Variants in SLC25A4 observed in about 807,000 individuals in gnomAD.
The protein encoded by SLC25A4 is solute carrier family 25 member 4.
In SLC25A4, 10 loss-of-function variants were observed where a neutral mutation model predicts 24.7. The observed-to-expected ratio is 0.41, with a 90% CI of 0.25 to 0.69. The LOEUF is 0.69. SLC25A4 is among the 30% of genes least tolerant of loss of function. The probability of loss-of-function intolerance (pLI) is 0.35; values close to 1 mark genes in which losing one functional copy is unlikely to be tolerated. For synonymous variants in SLC25A4, 125 were observed against 153.3 expected (o/e 0.82, Z 1.36); for missense variants, 273 against 387.6 (o/e 0.70, Z 2.48).
At position 185,143,268 on chromosome 4, in the gene SLC25A4, C is replaced by T. The variant is rs962364101; in HGVS notation, c.-105C>T. On this transcript the variant is annotated 5_prime_UTR_variant, in exon 1 of 4. Transcript: ENST00000281456. ...GGGGGAGCTGCGGGCCAGGCGGCGG[C>T]CCCCTAGCGTCGCGCAGGGTCGGGG... 1.8e-5 allele frequency: 11 copies of T among 595,326 alleles called. No homozygotes were observed. Among genetic ancestry groups the T allele is most frequent in the East Asian group, 1.2e-4 (3 of 25,278 alleles). The allele number at this position is 595,326 out of a possible 1,614,324, so 36.9% of individuals were successfully genotyped here.
rs1734410524 is a variant in SLC25A4, at chr4:185,144,923, T to A, written c.271T>A (p.Phe91Ile). Reference sequence around the variant, plus strand: ...CCCCACCCAAGCTCTCAACTTCGCCTTCAAGGACAAGTACAAGCAGCTCTT... The same window carrying A: ...CCCCACCCAAGCTCTCAACTTCGCCATCAAGGACAAGTACAAGCAGCTCTT... ...YFPTQALNFA[F>I]KDKYKQLFLG... The change falls in exon 2 of 4, where the codon TTC becomes ATC. Residue 91 changes from phenylalanine to isoleucine, a missense_variant. Transcript: ENST00000281456. The A allele has an allele frequency of 1.2e-6, 2 of 1,614,074 alleles. No homozygotes were observed. Among genetic ancestry groups the A allele is most frequent in the African/African-American group, 2.7e-5 (2 of 74,916 alleles).
In SLC25A4 at chr4:185,145,415, C is replaced by A. The variant is rs754451312; in HGVS notation, c.598+165C>A. ...GATGTGCATAAGTTAATAGCTGAAG[C>A]GTTCCTTGTGTCCTCTACTGAAATA... On this transcript the variant is annotated intron_variant, in intron 2 of 3. Coordinates refer to ENST00000281456, the MANE Select transcript of SLC25A4 (RefSeq NM_001151.4). This position sits in a 1 kb window ranked among gnomAD's most constrained non-coding sequence, Gnocchi z 5.5. 1.8e-5 allele frequency: 19 copies of A among 1,047,664 alleles called. No individual in the cohort carries two copies. In the African/African-American group the frequency reaches 3.0e-4, roughly 17 times the overall value. 64.9% of individuals were successfully genotyped at this position (1,047,664 alleles called of 1,614,324 possible). A position where few individuals can be genotyped will look rare whatever the true frequency, so the allele number is the denominator to read the frequency against.
In SLC25A4 at chr4:185,148,863, G is replaced by GT. The variant is rs771346297; in HGVS notation, c.*1893dup. On this transcript the variant is annotated 3_prime_UTR_variant, in exon 4 of 4. Coordinates refer to ENST00000281456, the MANE Select transcript of SLC25A4 (RefSeq NM_001151.4). ...TCTGTGTTTTCTGACAGGTGGTTGG[G>GT]TGGTGGGGGTTGGTCTCTGTACCTC... is the stretch of plus-strand genomic sequence containing the variant. The GT allele has an allele frequency of 7.2e-5, 11 of 152,418 alleles. No homozygotes were observed. The highest frequency in any genetic ancestry group is 1.5e-4 in the Non-Finnish European group (10 of 68,224). 9.4% of individuals were successfully genotyped at this position (152,418 alleles called of 1,614,324 possible). A position where few individuals can be genotyped will look rare whatever the true frequency, so the allele number is the denominator to read the frequency against.
Position 185,147,267 on chromosome 4 carries a change from A to G in SLC25A4, c.*296A>G. 2 of 320,310 alleles carry G rather than the reference A, an allele frequency of 6.2e-6. No homozygotes were observed. Among genetic ancestry groups the G allele is most frequent in the Non-Finnish European group, 1.2e-5 (2 of 172,160 alleles). The allele number at this position is 320,310 out of a possible 1,614,324, so 19.8% of individuals were successfully genotyped here. ...GTGAAACATCAATAAAGACCACTTAATGCACGCTTTCTATTTTATTGAACT... is the reference window on the plus strand; with the variant it reads ...GTGAAACATCAATAAAGACCACTTAGTGCACGCTTTCTATTTTATTGAACT... On this transcript the variant is annotated 3_prime_UTR_variant, in exon 4 of 4. Coordinates refer to ENST00000281456, the MANE Select transcript of SLC25A4 (RefSeq NM_001151.4).
Position 185,147,105 on chromosome 4 carries a change from T to C in SLC25A4, c.*134T>C, listed in dbSNP as rs1183687910. Reference sequence around the variant, plus strand: ...ATAAAACCAGACTGAAAGGAATACCTCAGAAGAGATGCTTCATTGAGTGTT... The same window carrying C: ...ATAAAACCAGACTGAAAGGAATACCCCAGAAGAGATGCTTCATTGAGTGTT... On this transcript the variant is annotated 3_prime_UTR_variant, in exon 4 of 4. Coordinates refer to ENST00000281456, the MANE Select transcript of SLC25A4 (RefSeq NM_001151.4). The C allele has an allele frequency of 1.4e-6, 1 of 712,822 alleles. No homozygotes were observed. Among genetic ancestry groups the C allele is most frequent in the Admixed American group, 2.5e-5 (1 of 39,402 alleles). 44.2% of individuals were successfully genotyped at this position (712,822 alleles called of 1,614,324 possible).
Position 185,145,610 on chromosome 4 carries a change from C to A in SLC25A4, c.599-149C>A. 1 of 955,828 alleles carries A rather than the reference C, an allele frequency of 1.0e-6. No homozygotes were observed. Among genetic ancestry groups the A allele is most frequent in the Non-Finnish European group, 1.6e-6 (1 of 638,138 alleles). 59.2% of individuals were successfully genotyped at this position (955,828 alleles called of 1,614,324 possible). Reference sequence around the variant, plus strand: ...GGGCAGCAGCCACCTTTGCTGTCTGCCTGGTCATATGTGAAGCACCTGCAC... The same window carrying A: ...GGGCAGCAGCCACCTTTGCTGTCTGACTGGTCATATGTGAAGCACCTGCAC... On this transcript the variant is annotated intron_variant, in intron 2 of 3. Coordinates refer to ENST00000281456, the MANE Select transcript of SLC25A4 (RefSeq NM_001151.4). This position sits in a 1 kb window ranked among gnomAD's most constrained non-coding sequence, Gnocchi z 5.5.
chr4:185,145,705 T>C lies in SLC25A4; in HGVS notation c.599-54T>C. On this transcript the variant is annotated intron_variant, in intron 2 of 3. Coordinates refer to ENST00000281456, the MANE Select transcript of SLC25A4 (RefSeq NM_001151.4). The surrounding 1 kb of genome is among the most constrained non-coding windows in gnomAD (Gnocchi z 5.5). ...AGTGGCCTCTCTCCCTCCACCTGCTTTCTGCTGAGAACAGGCACTTCATAG... is the reference window on the plus strand; with the variant it reads ...AGTGGCCTCTCTCCCTCCACCTGCTCTCTGCTGAGAACAGGCACTTCATAG... 3 of 1,608,876 alleles carry C rather than the reference T, an allele frequency of 1.9e-6. No individual in the cohort carries two copies. Among genetic ancestry groups the C allele is most frequent in the Non-Finnish European group, 2.6e-6 (3 of 1,175,736 alleles).
chr4:185,143,500 G>T lies in SLC25A4; in HGVS notation c.111+17G>T. On this transcript the variant is annotated intron_variant, in intron 1 of 3. Coordinates refer to ENST00000281456, the MANE Select transcript of SLC25A4 (RefSeq NM_001151.4). ...CTGCTGCAGGTGAGGACCGCGCGGTGCAAGAGGCGGGCGCGGGCGCGGCGG... is the reference window on the plus strand; with the variant it reads ...CTGCTGCAGGTGAGGACCGCGCGGTTCAAGAGGCGGGCGCGGGCGCGGCGG... The T allele has an allele frequency of 8.3e-7, 1 of 1,208,090 alleles. No individual in the cohort carries two copies. The highest frequency in any genetic ancestry group is 1.1e-6 in the Non-Finnish European group (1 of 940,396). The allele number at this position is 1,208,090 out of a possible 1,614,324, so 74.8% of individuals were successfully genotyped here.
chr4:185,145,219 T>C lies in SLC25A4; in HGVS notation c.567T>C (p.Ala189=), dbSNP rs149101873. Residue 189 remains alanine, a synonymous_variant, in exon 2 of 4, where the codon GCT becomes GCC. Transcript: ENST00000281456. The surrounding 1 kb of genome is among the most constrained non-coding windows in gnomAD (Gnocchi z 5.5). ...TCCAAGGCATCATTATCTATAGAGC[T>C]GCCTACTTCGGAGTCTATGATACTG... ...VSVQGIIIYR[A]AYFGVYDTAK... The C allele has an allele frequency of 0.011, 17,210 of 1,614,068 alleles. 118 individuals carry two copies. Among genetic ancestry groups the C allele is most frequent in the Non-Finnish European group, 0.012 (13,927 of 1,180,002 alleles).
At position 185,145,678 on chromosome 4, in the gene SLC25A4, G is replaced by T; in HGVS notation, c.599-81G>T. On this transcript the variant is annotated intron_variant, in intron 2 of 3. Coordinates refer to ENST00000281456, the MANE Select transcript of SLC25A4 (RefSeq NM_001151.4). The surrounding 1 kb of genome is among the most constrained non-coding windows in gnomAD (Gnocchi z 5.5). ...AAGGTCAGAGCATGGAGCTGGAGGT[G>T]CAGTGGCCTCTCTCCCTCCACCTGC... 6.5e-7 allele frequency: 1 copy of T among 1,538,618 alleles called. No homozygotes were observed.
In SLC25A4 at chr4:185,143,489, G is replaced by T. The variant is rs1243472258; in HGVS notation, c.111+6G>T. The stretch of plus-strand genomic sequence containing the variant: ...GGGTCAAACTGCTGCTGCAGGTGAG[G>T]ACCGCGCGGTGCAAGAGGCGGGCGC... On this transcript the variant is annotated splice_donor_region_variant and intron_variant, in intron 1 of 3. Transcript: ENST00000281456. 1 of 1,406,438 alleles carries T rather than the reference G, an allele frequency of 7.1e-7. No individual in the cohort carries two copies. The highest frequency in any genetic ancestry group is 9.4e-7 in the Non-Finnish European group (1 of 1,061,516). 87.1% of individuals were successfully genotyped at this position (1,406,438 alleles called of 1,614,324 possible). A position where few individuals can be genotyped will look rare whatever the true frequency, so the allele number is the denominator to read the frequency against.
Position 185,147,055 on chromosome 4 carries a change from C to A in SLC25A4, c.*84C>A. On this transcript the variant is annotated 3_prime_UTR_variant, in exon 4 of 4. Transcript: ENST00000281456. ...CCATTGTGTGGTTTAATAGACTATT[C>A]CTAGGGGAAGTAAAAAGATCTGGGA... The A allele has an allele frequency of 7.7e-7, 1 of 1,294,288 alleles. No homozygotes were observed. The highest frequency in any genetic ancestry group is 1.1e-6 in the Non-Finnish European group (1 of 910,580). The allele number at this position is 1,294,288 out of a possible 1,614,324, so 80.2% of individuals were successfully genotyped here. A position where few individuals can be genotyped will look rare whatever the true frequency, so the allele number is the denominator to read the frequency against.
chr4:185,144,214 C>A (rs1734396585), intron 1 of SLC25A4, among the ~76,000 whole-genome samples: 1 of 152,138 alleles, frequency 6.6e-6, no homozygotes, highest in East Asian at 1.9e-4. Flanking sequence ...CGGCAGCAAA[C>A]CCTTAATAAT....
rs778418899 is a variant in SLC25A4 at position 185,145,406 on chromosome 4, T to C, written c.598+156T>C. 5 of 1,115,506 alleles carry C rather than the reference T, an allele frequency of 4.5e-6. No homozygotes were observed. Among genetic ancestry groups the C allele is most frequent in the Non-Finnish European group, 6.4e-6 (5 of 776,176 alleles). 69.1% of individuals were successfully genotyped at this position (1,115,506 alleles called of 1,614,324 possible). On this transcript the variant is annotated intron_variant, in intron 2 of 3. Coordinates refer to ENST00000281456, the MANE Select transcript of SLC25A4 (RefSeq NM_001151.4). The surrounding 1 kb of genome is among the most constrained non-coding windows in gnomAD (Gnocchi z 5.5). ...TGAGGAGGTGATGTGCATAAGTTAA[T>C]AGCTGAAGCGTTCCTTGTGTCCTCT...
intron 1 of SLC25A4, among the ~76,000 whole-genome samples, chr4:185,143,998 G>T (rs1265337891): frequency 6.6e-6 from 1 of 152,190 alleles, no homozygotes; most frequent in Non-Finnish European, 1.5e-5. Flanking sequence ...TGAAGCTGAG[G>T]TTTTGAAATA....
At position 185,149,778 on chromosome 4, in the gene SLC25A4, A is replaced by C. The variant is rs1320209939; in HGVS notation, c.*2807A>C. On this transcript the variant is annotated 3_prime_UTR_variant, in exon 4 of 4. Transcript: ENST00000281456. ...GCCCTCCTTCACCACCACCACCCCC[A>C]CCCCAATCACCTTTAGGTATTTTCT... 2 of 148,872 alleles carry C rather than the reference A, an allele frequency of 1.3e-5. No individual in the cohort carries two copies. The highest frequency in any genetic ancestry group is 2.5e-5 in the African/African-American group (1 of 40,058). The allele number at this position is 148,872 out of a possible 1,614,324, so 9.2% of individuals were successfully genotyped here.
chr4:185,143,270 C>T lies in SLC25A4; in HGVS notation c.-103C>T, dbSNP rs190592847. The T allele has an allele frequency of 1.0e-3, 622 of 624,466 alleles. 3 individuals carry two copies. The highest frequency in any genetic ancestry group is 1.5e-3 in the Non-Finnish European group (513 of 349,718). The allele number at this position is 624,466 out of a possible 1,614,324, so 38.7% of individuals were successfully genotyped here. A position where few individuals can be genotyped will look rare whatever the true frequency, so the allele number is the denominator to read the frequency against. The stretch of plus-strand genomic sequence containing the variant: ...GGGAGCTGCGGGCCAGGCGGCGGCC[C>T]CCTAGCGTCGCGCAGGGTCGGGGAC... On this transcript the variant is annotated 5_prime_UTR_variant, in exon 1 of 4. Transcript: ENST00000281456.
rs564798562 is a variant in SLC25A4 at position 185,143,290 on chromosome 4, G to A, written c.-83G>A. On this transcript the variant is annotated 5_prime_UTR_variant, in exon 1 of 4. Transcript: ENST00000281456. ...CGGCCCCCTAGCGTCGCGCAGGGTC[G>A]GGGACTGCGCGGCGGTGCCAGGCCG... 5.7e-4 allele frequency: 436 copies of A among 759,218 alleles called. 2 individuals carry two copies. The African/African-American group carries it at 6.5e-3, about 11-fold the overall frequency. 47.0% of individuals were successfully genotyped at this position (759,218 alleles called of 1,614,324 possible).
rs971818952 is a variant in SLC25A4 at position 185,149,973 on chromosome 4, C to T, written c.*3002C>T. 6.6e-5 allele frequency: 10 copies of T among 152,228 alleles called. 1 individual carries two copies. Among genetic ancestry groups the T allele is most frequent in the African/African-American group, 4.8e-5 (2 of 41,464 alleles). 9.4% of individuals were successfully genotyped at this position (152,228 alleles called of 1,614,324 possible). A position where few individuals can be genotyped will look rare whatever the true frequency, so the allele number is the denominator to read the frequency against. ...GTCTCAAGTATTTGTGTTGAAATCT[C>T]AATTAACTGGGCGACTGCTCCCGTT... On this transcript the variant is annotated 3_prime_UTR_variant, in exon 4 of 4. Coordinates refer to ENST00000281456, the MANE Select transcript of SLC25A4 (RefSeq NM_001151.4).
Sources: gnomAD v4.1 joint callset for allele counts (sites outside exome capture counted in the v4.1 genomes callset) on GRCh38, gnomAD v4.1.1 for gene constraint, Gnocchi (gnomAD v3.1) non-coding constraint, MANE v1.5 for transcripts, NCBI Gene and HGNC (gene_info 2026-07-23, HGNC 2026-07-21) for gene names.